The following UST variants were observed in gnomAD, a reference collection of about 807,000 sequenced individuals.
UST encodes uronyl 2-sulfotransferase, also known as chondroitin sulfate 2-O-sulfotransferase.
In UST, 21 loss-of-function variants were observed where a neutral mutation model predicts 45.6. The observed-to-expected ratio is 0.46, with a 90% CI of 0.33 to 0.66. The LOEUF (loss-of-function observed/expected upper bound fraction) is 0.66. UST is among the 30% of genes least tolerant of loss of function. UST has a pLI of 0.02. For missense variants in UST, 463 were observed against 512.4 expected (o/e 0.90, Z 0.93); for synonymous variants, 215 against 200.6 (o/e 1.07, Z -0.61).
At chr6:148,803,403 C>A (rs1777087006) in intron 1 of UST, among the ~76,000 whole-genome samples, 1 of 152,124 alleles carries the variant, frequency 6.6e-6, no homozygotes, top group Admixed American at 6.6e-5. Context: ...GGGCATCAAC[C>A]CTAACAGAAA....
chr6:149,010,017 T>A (rs1775778946), intron 5 of UST, among the ~76,000 whole-genome samples: 1 of 151,086 alleles, frequency 6.6e-6, no homozygotes, highest in Admixed American at 6.6e-5. Context: ...ATAAGTTTTT[T>A]TAAAAAAAAA....
In UST at chr6:148,953,940, C is replaced by A; in HGVS notation, c.516C>A (p.Leu172=). Residue 172 remains leucine (L), a synonymous_variant, in exon 4 of 8, where the codon CTC becomes CTA. Transcript: ENST00000367463. ...PYLFTRHVHF[L]NFSRFGGDQP... Reference sequence around the variant, plus strand: ...TATTCACTCGACATGTTCATTTCCTCAACTTCTCAAGGTAAGACATTTTCC... The same window carrying A: ...TATTCACTCGACATGTTCATTTCCTAAACTTCTCAAGGTAAGACATTTTCC... 1 of 1,607,210 alleles carries A rather than the reference C, an allele frequency of 6.2e-7. No homozygotes were observed. Among genetic ancestry groups the A allele is most frequent in the Non-Finnish European group, 8.5e-7 (1 of 1,176,798 alleles).
chr6:148,747,702 G>A (rs763333954), intron 1 of UST, 25 bp downstream of exon 1: 4 of 1,564,656 alleles, frequency 2.6e-6, no homozygotes, highest in South Asian at 2.3e-5. Flanking sequence ...CAGGCGCTAG[G>A]GCGGCGCCGA....
chr6:148,897,659 C>CT (rs199789231), intron 2 of UST, among the ~76,000 whole-genome samples: 17,064 of 146,014 alleles, frequency 0.12, 1,013 homozygotes, highest in South Asian at 0.18. Context: ...GCCCAGCTAA[C>CT]TTTTTTTTTT....
rs1449555315 is a variant in UST, at chr6:148,748,309, C to T, written c.247+632C>T. Among the ~76,000 whole-genome samples, 2 of 151,782 alleles carry T rather than the reference C, an allele frequency of 1.3e-5. No homozygotes were observed. Among genetic ancestry groups the T allele is most frequent in the Non-Finnish European group, 2.9e-5 (2 of 67,994 alleles). ...GTTGCATCCAGGGGTTTGGGGATGC[C>T]CGAGGGCGCTGGTCAGCCTGGCCAG... is the stretch of plus-strand genomic sequence containing the variant. On this transcript the variant is annotated intron_variant, in intron 1 of 7. Coordinates refer to ENST00000367463, the MANE Select transcript of UST (RefSeq NM_005715.3). The surrounding 1 kb of genome is among the most constrained non-coding windows in gnomAD (Gnocchi z 5.3).
At chr6:148,863,946 G>A (rs1162888994) in intron 1 of UST, among the ~76,000 whole-genome samples, 2 of 152,184 alleles carry the variant, frequency 1.3e-5, no homozygotes, top group African/African-American at 4.8e-5. Context: ...GGCTACTCGG[G>A]GGTCAGGGAC....
chr6:148,803,321 G>T (rs144934783), intron 1 of UST, among the ~76,000 whole-genome samples: 1 of 152,154 alleles, frequency 6.6e-6, no homozygotes, highest in East Asian at 1.9e-4. Context: ...CTTGATTCTC[G>T]GTTCTTACCA....
At chr6:149,065,541 G>A (rs559058679) in intron 7 of UST, among the ~76,000 whole-genome samples, 1 of 152,136 alleles carries the variant, frequency 6.6e-6, no homozygotes, top group South Asian at 2.1e-4. Flanking sequence ...CCTGGTTATG[G>A]TGCAGTACTT....
At chr6:149,043,262 C>T (rs900083704) in intron 7 of UST, among the ~76,000 whole-genome samples, 7 of 151,370 alleles carry the variant, frequency 4.6e-5, no homozygotes, top group Non-Finnish European at 7.4e-5. Flanking sequence ...AGGTTTGTGC[C>T]GCCATACCCA....
chr6:149,042,983 C>CTT (rs1776339094), intron 7 of UST, among the ~76,000 whole-genome samples: 1 of 115,714 alleles, frequency 8.6e-6, no homozygotes, highest in East Asian at 2.0e-4. Context: ...TTCTTTCTTT[C>CTT]TTTCTTTCTT....
At chr6:148,848,691 A>G (rs1223308551) in intron 1 of UST, among the ~76,000 whole-genome samples, 1 of 151,100 alleles carries the variant, frequency 6.6e-6, no homozygotes, top group Non-Finnish European at 1.5e-5. Flanking sequence ...AAAAATGATT[A>G]CACTATTCTA....
intron 5 of UST, among the ~76,000 whole-genome samples, chr6:149,018,697 A>G (rs1775940139): frequency 6.6e-6 from 1 of 152,232 alleles, no homozygotes; most frequent in Non-Finnish European, 1.5e-5. Context: ...AACTCTTATG[A>G]GACTATTGTA....
chr6:148,932,320 C>A (rs1221153169), intron 2 of UST, among the ~76,000 whole-genome samples: 2 of 152,168 alleles, frequency 1.3e-5, no homozygotes, highest in East Asian at 3.9e-4. Context: ...GCAGAGGTAG[C>A]AATGAACCAA....
intron 2 of UST, among the ~76,000 whole-genome samples, chr6:148,929,305 G>A (rs1325595347): frequency 6.6e-6 from 1 of 152,186 alleles, no homozygotes; most frequent in Non-Finnish European, 1.5e-5. Context: ...TAGCATGGTT[G>A]TCTTATTTCC....
chr6:148,958,974 T>G (rs1582924774), intron 4 of UST: 1 of 152,290 alleles, frequency 6.6e-6, no homozygotes, highest in East Asian at 1.9e-4. Flanking sequence ...CATGACCCCC[T>G]CACCTTCCTT....
At chr6:148,979,756 A>G (rs1451514430) in intron 5 of UST, among the ~76,000 whole-genome samples, 6 of 152,224 alleles carry the variant, frequency 3.9e-5, no homozygotes, top group Admixed American at 2.0e-4. Context: ...GTGGTCAGTA[A>G]GCAGCGACTC....
chr6:148,802,811 G>A (rs1348951536), intron 1 of UST, among the ~76,000 whole-genome samples: 1 of 152,118 alleles, frequency 6.6e-6, no homozygotes, highest in Non-Finnish European at 1.5e-5. Flanking sequence ...AACTGAAATC[G>A]TGAAAGGGGT....
intron 5 of UST, among the ~76,000 whole-genome samples, chr6:148,997,122 TG>T (rs1781467527): frequency 6.6e-6 from 1 of 152,208 alleles, no homozygotes. Flanking sequence ...GGATATGAAC[TG>T]GGGTTTATGT....
intron 7 of UST, among the ~76,000 whole-genome samples, chr6:149,034,951 G>C (rs771116315): frequency 8.8e-5 from 13 of 147,246 alleles, no homozygotes; most frequent in Middle Eastern, 3.5e-3. Context: ...CTCGGTATGT[G>C]TGCTAAATAT....
Sources: gnomAD v4.1 joint callset for allele counts (sites outside exome capture counted in the v4.1 genomes callset) on GRCh38, gnomAD v4.1.1 for gene constraint, Gnocchi (gnomAD v3.1) non-coding constraint, MANE v1.5 for transcripts, NCBI Gene and HGNC (gene_info 2026-07-23, HGNC 2026-07-21) for gene names.